CALN1: variants seen among roughly 807,000 people sequenced by gnomAD.
The protein encoded by CALN1 is calneuron 1.
In CALN1, 17 loss-of-function variants were observed where a neutral mutation model predicts 30.6. The observed-to-expected ratio is 0.56, with a 90% CI of 0.38 to 0.83. The LOEUF is 0.83. Ranked by LOEUF, CALN1 falls within the 40% of genes least tolerant of loss-of-function variation. The pLI is 0.00. For missense variants in CALN1, 291 were observed against 354.9 expected (o/e 0.82, Z 1.45); for synonymous variants, 156 against 131.4 (o/e 1.19, Z -1.28).
chr7:71,847,743 GAAGAAGA>G (rs1554353589), intron 5 of CALN1, among the ~76,000 whole-genome samples: 18 of 94,602 alleles, frequency 1.9e-4, no homozygotes, highest in Non-Finnish European at 3.0e-4. Context: ...AAAGAAGAAA[GAAGAAGA>G]AAGAAGAAAG....
chr7:72,031,018 C>A (rs1801404232), intron 4 of CALN1, among the ~76,000 whole-genome samples: 1 of 152,188 alleles, frequency 6.6e-6, no homozygotes, highest in Non-Finnish European at 1.5e-5. Flanking sequence ...TATACTAATT[C>A]ATTTACATCT....
intron 1 of CALN1, among the ~76,000 whole-genome samples, chr7:72,410,803 T>TACC (rs1244171396): frequency 1.3e-5 from 2 of 150,916 alleles, no homozygotes; most frequent in Non-Finnish European, 3.0e-5. Flanking sequence ...GCCAGCACCC[T>TACC]ACCTTCTTAC....
chr7:72,055,956 G>A (rs1035015891), intron 4 of CALN1, among the ~76,000 whole-genome samples: 1 of 152,208 alleles, frequency 6.6e-6, no homozygotes. Flanking sequence ...AGCAGCTGAG[G>A]CTGCAGTGAG....
intron 2 of CALN1, among the ~76,000 whole-genome samples, chr7:72,374,233 T>C (rs988917189): frequency 1.3e-5 from 2 of 152,158 alleles, no homozygotes; most frequent in Non-Finnish European, 2.9e-5. Context: ...ATTCTTCTAT[T>C]GAAATGTTTA....
rs544147258 is a variant in CALN1, at chr7:72,056,332, T to TA, written c.389-32564dup. ...AATAAAATCTATTATAAAACCACAA[T>TA]AAAAAAGTACTGATGAAGGTTAAGT... On this transcript the variant is annotated intron_variant, in intron 4 of 6. Transcript: ENST00000395275. Among the ~76,000 whole-genome samples, 665 of 151,490 alleles carry TA rather than the reference T, an allele frequency of 4.4e-3. 3 individuals are homozygous for TA. Among genetic ancestry groups the TA allele is most frequent in the Non-Finnish European group, 6.8e-3 (460 of 67,774 alleles).
intron 5 of CALN1, among the ~76,000 whole-genome samples, chr7:71,975,954 C>G (rs1584656976): frequency 6.7e-6 from 1 of 149,862 alleles, no homozygotes; most frequent in East Asian, 2.1e-4. Flanking sequence ...ATTACTTTGG[C>G]ACCAACCTAA....
chr7:71,884,341 T>C (rs1792768730), intron 5 of CALN1, among the ~76,000 whole-genome samples: 1 of 152,100 alleles, frequency 6.6e-6, no homozygotes, highest in African/African-American at 2.4e-5. Context: ...GTCCAGAATC[T>C]TGGGGGGTGT....
At chr7:72,170,304 G>C (rs1474294409) in intron 3 of CALN1, among the ~76,000 whole-genome samples, 1 of 151,940 alleles carries the variant, frequency 6.6e-6, no homozygotes, top group Admixed American at 6.6e-5. Context: ...TATTTTGCTG[G>C]CATTTAGTTC....
At chr7:72,270,084 G>A (rs1213626755) in intron 3 of CALN1, among the ~76,000 whole-genome samples, 3 of 151,614 alleles carry the variant, frequency 2.0e-5, no homozygotes, top group African/African-American at 7.3e-5. Flanking sequence ...AAAAAATTTG[G>A]GTGTTTCCGT....
the CALN1 span, among the ~76,000 whole-genome samples, chr7:72,492,084 G>A: frequency 6.6e-6 from 1 of 152,136 alleles, no homozygotes; most frequent in Non-Finnish European, 1.5e-5. Context: ...CAGGCACCTA[G>A]GCTAGGCCAC....
At chr7:71,978,901 A>C (rs1273635818) in intron 5 of CALN1, among the ~76,000 whole-genome samples, 1 of 152,182 alleles carries the variant, frequency 6.6e-6, no homozygotes, top group Non-Finnish European at 1.5e-5. Flanking sequence ...GATCTCTTAC[A>C]TTTCTGTATG....
intron 5 of CALN1, among the ~76,000 whole-genome samples, chr7:71,839,439 G>A (rs1477067378): frequency 6.6e-6 from 1 of 152,206 alleles, no homozygotes; most frequent in East Asian, 1.9e-4. Flanking sequence ...GGCTGAGGCA[G>A]GAGATTCGCC....
At chr7:72,170,021 G>A (rs1215900187) in intron 3 of CALN1, among the ~76,000 whole-genome samples, 1 of 149,998 alleles carries the variant, frequency 6.7e-6, no homozygotes, top group African/African-American at 2.5e-5. Flanking sequence ...CTTAGGGACA[G>A]GATCACACTC....
chr7:72,473,941 AAG>A, the CALN1 span, among the ~76,000 whole-genome samples: 6,890 of 149,600 alleles, frequency 0.046, 191 homozygotes, highest in African/African-American at 0.061. Flanking sequence ...AAAAAAAAAA[AAG>A]AAAGAAAGAA....
At chr7:71,885,932 G>A (rs1315937078) in intron 5 of CALN1, among the ~76,000 whole-genome samples, 1 of 152,186 alleles carries the variant, frequency 6.6e-6, no homozygotes, top group Non-Finnish European at 1.5e-5. Flanking sequence ...CATTTCCGTA[G>A]TAACAGGCTC....
At chr7:72,314,684 G>T (rs1800313058) in intron 2 of CALN1, among the ~76,000 whole-genome samples, 1 of 151,444 alleles carries the variant, frequency 6.6e-6, no homozygotes, top group Non-Finnish European at 1.5e-5. Context: ...CAAAGTGCTG[G>T]GATTACAGGC....
chr7:72,347,203 T>C (rs1428335870), intron 2 of CALN1, among the ~76,000 whole-genome samples: 1 of 152,144 alleles, frequency 6.6e-6, no homozygotes, highest in Non-Finnish European at 1.5e-5. Flanking sequence ...GCAATCATCA[T>C]TACATTTCTA....
intron 3 of CALN1, among the ~76,000 whole-genome samples, chr7:72,203,979 C>CTATTTTTTTTTTTTTTT (rs59798860): frequency 1.2e-5 from 1 of 83,778 alleles, no homozygotes; most frequent in African/African-American, 5.2e-5. Context: ...AGGCCTCTCT[C>CTATTTTTTTTTTTTTTT]TTTTTTTTTT....
intron 4 of CALN1, among the ~76,000 whole-genome samples, chr7:72,081,507 C>T (rs1805143313): frequency 6.6e-6 from 1 of 150,810 alleles, no homozygotes; most frequent in South Asian, 2.1e-4. Context: ...ACTACAGCCT[C>T]CAACTCCTGG....
Sources: allele counts gnomAD v4.1 joint callset (sites outside exome capture counted in the v4.1 genomes callset), GRCh38; gene constraint gnomAD v4.1.1; transcripts MANE v1.5; gene names NCBI Gene and HGNC (gene_info 2026-07-23, HGNC 2026-07-21).